The following SPATA22 variants were observed in gnomAD, a reference collection of about 807,000 sequenced individuals.
The protein encoded by SPATA22 is spermatogenesis-associated protein 22.
In SPATA22, 29 loss-of-function variants were observed where a neutral mutation model predicts 47.8. That is an observed-to-expected ratio of 0.61 (90% CI 0.45 to 0.83). The LOEUF is 0.83. SPATA22 is among the 40% of genes least tolerant of loss of function. The pLI, the probability that SPATA22 is intolerant of heterozygous loss-of-function variation, is 0.00. For synonymous variants in SPATA22, 133 were observed against 140.9 expected (o/e 0.94, Z 0.40); for missense variants, 410 against 421.7 (o/e 0.97, Z 0.24).
At chr17:3,464,081 C>T (rs1286619082) in intron 3 of SPATA22, among the ~76,000 whole-genome samples, 1 of 151,786 alleles carries the variant, frequency 6.6e-6, no homozygotes, top group Non-Finnish European at 1.5e-5. Flanking sequence ...AACCTCCCTG[C>T]CTGATTCTCC....
At chr17:3,495,899 G>A (rs1446761630) in intron 1 of SPATA22, among the ~76,000 whole-genome samples, 5 of 146,708 alleles carry the variant, frequency 3.4e-5, no homozygotes, top group Admixed American at 3.4e-4. Context: ...GGTAAAGACT[G>A]GGGGAGAGAA....
At chr17:3,471,365 A>G in intron 1 of SPATA22, 5 of 944,448 alleles carry the variant, frequency 5.3e-6, no homozygotes, top group Non-Finnish European at 6.3e-6. Context: ...AAACAACAAC[A>G]AAATTTTTAA....
At chr17:3,442,484 C>T (rs1046286858) in intron 8 of SPATA22, among the ~76,000 whole-genome samples, 5 of 151,954 alleles carry the variant, frequency 3.3e-5, no homozygotes, top group African/African-American at 4.8e-5. Context: ...AGCTCTTATA[C>T]AGCCTCAATG....
At chr17:3,492,293 C>G (rs1380042934) in intron 1 of SPATA22, among the ~76,000 whole-genome samples, 2 of 152,230 alleles carry the variant, frequency 1.3e-5, no homozygotes, top group Non-Finnish European at 2.9e-5. Context: ...GGAGAATACT[C>G]AAACATAGAT....
intron 1 of SPATA22, among the ~76,000 whole-genome samples, chr17:3,478,799 A>C (rs2073577961): frequency 6.6e-6 from 1 of 151,814 alleles, no homozygotes; most frequent in Admixed American, 6.6e-5. Context: ...TATATTCCTC[A>C]TCTCAGTGGT....
At chr17:3,457,868 CT>C (rs1402931387) in intron 5 of SPATA22, among the ~76,000 whole-genome samples, 1 of 152,118 alleles carries the variant, frequency 6.6e-6, no homozygotes, top group Non-Finnish European at 1.5e-5. Flanking sequence ...CCATAAAACT[CT>C]TAGGAAAAAA....
At chr17:3,473,109 TA>T (rs34905771), upstream of SPATA22, among the ~76,000 whole-genome samples, 49,851 of 129,268 alleles carry the variant, frequency 0.39, 11,252 homozygotes, top group Non-Finnish European at 0.55. Flanking sequence ...GATTTTTCAT[TA>T]AAAAAAAAAA....
chr17:3,507,014 G>GGAAGGGAGGGAA, intron 1 of SPATA22, among the ~76,000 whole-genome samples: 1 of 151,492 alleles, frequency 6.6e-6, no homozygotes, highest in Admixed American at 6.6e-5. Context: ...AAGGGAGGGA[G>GGAAGGGAGGGAA]GGGAGGAGGG....
intron 3 of SPATA22, among the ~76,000 whole-genome samples, chr17:3,464,832 C>T (rs1282361909): frequency 1.4e-5 from 2 of 140,232 alleles, no homozygotes; most frequent in Non-Finnish European, 3.2e-5. Flanking sequence ...GGCAGCCACC[C>T]CGTCTGGGAA....
chr17:3,488,444 G>A lies in SPATA22; in HGVS notation c.-73-19046C>T, dbSNP rs1300088369. Among the ~76,000 whole-genome samples, 3 of 152,162 alleles carry A rather than the reference G, an allele frequency of 2.0e-5. No individual in the cohort carries two copies. In the East Asian group the frequency reaches 5.8e-4, roughly 29 times the overall value. On this transcript the variant is annotated intron_variant, in intron 1 of 8. Coordinates refer to the SPATA22 transcript ENST00000541913. This position sits in a 1 kb window ranked among gnomAD's most constrained non-coding sequence, Gnocchi z 6.1. ...AGCCGAGAAGGGCAGATTACCTGCG[G>A]TCAGGAGTTTGAGACCAGCCTGACC...
chr17:3,455,281 C>T (rs969053472), intron 5 of SPATA22, among the ~76,000 whole-genome samples: 2 of 152,064 alleles, frequency 1.3e-5, no homozygotes, highest in African/African-American at 4.8e-5. Flanking sequence ...TTTTGCTGTG[C>T]AGAAGCTCTT....
At chr17:3,482,263 C>T (rs2073644134) in intron 1 of SPATA22, among the ~76,000 whole-genome samples, 2 of 152,206 alleles carry the variant, frequency 1.3e-5, no homozygotes, top group African/African-American at 2.4e-5. Flanking sequence ...TAGACTAAAG[C>T]CCAGTGATAA....
intron 7 of SPATA22, among the ~76,000 whole-genome samples, chr17:3,444,300 CGA>C (rs2072667667): frequency 6.6e-6 from 1 of 151,984 alleles, no homozygotes; most frequent in Admixed American, 6.6e-5. Context: ...CCCAGATCCA[CGA>C]GTGAACTGTG....
intron 1 of SPATA22, among the ~76,000 whole-genome samples, chr17:3,479,079 T>C (rs147031943): frequency 6.6e-6 from 1 of 152,344 alleles, no homozygotes; most frequent in African/African-American, 2.4e-5. Context: ...CATCCTAATA[T>C]GCAAATCTTA....
intron 1 of SPATA22, chr17:3,471,420 C>T: frequency 4.1e-6 from 4 of 985,318 alleles, no homozygotes; most frequent in Non-Finnish European, 4.8e-6. Flanking sequence ...AGGGCGGGGA[C>T]CCTCATTTAC....
intron 5 of SPATA22, among the ~76,000 whole-genome samples, chr17:3,452,647 G>GC (rs2072889725): frequency 6.6e-6 from 1 of 151,898 alleles, no homozygotes; most frequent in Admixed American, 6.6e-5. Context: ...AAAGTCGACA[G>GC]CCCCTTACAT....
intron 1 of SPATA22, among the ~76,000 whole-genome samples, chr17:3,479,040 T>C (rs79502178): frequency 6.6e-6 from 1 of 152,350 alleles, no homozygotes; most frequent in South Asian, 2.1e-4. Flanking sequence ...CTTCCTGTCA[T>C]CTATTTTCCA....
At chr17:3,476,396 G>C, upstream of SPATA22, 1 of 1,613,010 alleles carries the variant, frequency 6.2e-7, no homozygotes, top group Non-Finnish European at 8.5e-7. Flanking sequence ...AAAATCTTGG[G>C]TAAGACTATG....
chr17:3,474,412 A>C (rs996217822), upstream of SPATA22, among the ~76,000 whole-genome samples: 1 of 152,252 alleles, frequency 6.6e-6, no homozygotes, highest in African/African-American at 2.4e-5. Context: ...TCAGCAGAAA[A>C]GAAACCAAGC....
Sources: gnomAD v4.1 joint callset for allele counts (sites outside exome capture counted in the v4.1 genomes callset) on GRCh38, gnomAD v4.1.1 for gene constraint, Gnocchi (gnomAD v3.1) non-coding constraint, MANE v1.5 for transcripts, NCBI Gene and HGNC (gene_info 2026-07-23, HGNC 2026-07-21) for gene names.